RTTN: variants seen among roughly 807,000 people sequenced by gnomAD.
The protein encoded by RTTN is rotatin.
Under a neutral mutation model 269.2 loss-of-function variants are expected in RTTN, and 182 were observed. The ratio of observed to expected loss-of-function variants is 0.68; its 90% CI spans 0.60 to 0.76. The LOEUF is 0.76. Ranked by LOEUF, RTTN falls within the 30% of genes least tolerant of loss-of-function variation. The probability of loss-of-function intolerance (pLI) is 0.00; values close to 1 mark genes in which losing one functional copy is unlikely to be tolerated. For synonymous variants in RTTN, 1,006 were observed against 963.5 expected, an observed-to-expected ratio of 1.04 and a Z score of -0.82; for missense variants, 2,545 against 2,608.6, an observed-to-expected ratio of 0.98 and a Z score of 0.53.
At chr18:70,169,903 A>G (rs2061093166) in intron 11 of RTTN, among the ~76,000 whole-genome samples, 1 of 152,192 alleles carries the variant, frequency 6.6e-6, no homozygotes, top group Admixed American at 6.5e-5. Context: ...GTCATGATTT[A>G]TTTCATGGAT....
intron 32 of RTTN, among the ~76,000 whole-genome samples, chr18:70,083,926 T>C (rs1372165608): frequency 6.7e-6 from 1 of 149,634 alleles, no homozygotes; most frequent in Non-Finnish European, 1.5e-5. Flanking sequence ...TTTAAGTACA[T>C]ACAGAAAAAG....
intron 8 of RTTN, among the ~76,000 whole-genome samples, chr18:70,191,705 G>A (rs926129196): frequency 6.6e-6 from 1 of 152,194 alleles, no homozygotes; most frequent in African/African-American, 2.4e-5. Context: ...ATCCACAACC[G>A]AAGCTGGATC....
At chr18:70,036,867 C>G (rs1261633733) in intron 40 of RTTN, among the ~76,000 whole-genome samples, 1 of 152,168 alleles carries the variant, frequency 6.6e-6, no homozygotes, top group Non-Finnish European at 1.5e-5. Context: ...TTAATGTGTA[C>G]GGCTAAAAGA....
chr18:70,005,456 C>T, intron 47 of RTTN, 189 bp from the exon 48 acceptor site: 1 of 414,010 alleles, frequency 2.4e-6, no homozygotes, highest in Non-Finnish European at 4.3e-6. Context: ...GAAGTCTTGC[C>T]CATATCCTCT....
chr18:70,121,368 A>C (rs2059732984), intron 26 of RTTN, among the ~76,000 whole-genome samples, 188 bp downstream of exon 26: 1 of 152,234 alleles, frequency 6.6e-6, no homozygotes, highest in African/African-American at 2.4e-5. Context: ...TTCACTGTAC[A>C]GAATTTTAAT....
At chr18:70,205,524 G>C in intron 1 of RTTN, 104 bp downstream of exon 1, 1 of 1,485,490 alleles carries the variant, frequency 6.7e-7, no homozygotes, top group Admixed American at 1.7e-5. Flanking sequence ...GGTGAAAGAG[G>C]GAGCGGTCGC....
intron 32 of RTTN, among the ~76,000 whole-genome samples, chr18:70,081,320 G>C (rs2058561817): frequency 6.6e-6 from 1 of 151,752 alleles, no homozygotes; most frequent in Admixed American, 6.6e-5. Context: ...ATAACCTATG[G>C]GGGAAAAAAA....
At chr18:70,128,571 T>C in intron 23 of RTTN, 25 bp from the exon 24 acceptor site, 1 of 1,595,478 alleles carries the variant, frequency 6.3e-7, no homozygotes, top group Non-Finnish European at 8.6e-7. Context: ...TACAAATAAT[T>C]ACAAACTTTC....
intron 5 of RTTN, among the ~76,000 whole-genome samples, chr18:70,199,102 G>T (rs150450223): frequency 6.6e-6 from 1 of 152,084 alleles, no homozygotes; most frequent in Non-Finnish European, 1.5e-5. Flanking sequence ...CACAAGAATC[G>T]CTTGAACCCA....
intron 26 of RTTN, among the ~76,000 whole-genome samples, chr18:70,120,649 A>G (rs1159895136): frequency 6.6e-6 from 1 of 152,200 alleles, no homozygotes; most frequent in African/African-American, 2.4e-5. Context: ...GCAAATAAAT[A>G]CATAAAGAGA....
At chr18:70,115,477 A>G (rs748873731) in intron 26 of RTTN, among the ~76,000 whole-genome samples, 2 of 151,872 alleles carry the variant, frequency 1.3e-5, no homozygotes, top group Non-Finnish European at 2.9e-5. Flanking sequence ...TAATAGATAT[A>G]TGGGATATTT....
intron 34 of RTTN, among the ~76,000 whole-genome samples, chr18:70,071,254 T>C (rs1344172290): frequency 3.3e-5 from 5 of 152,180 alleles, no homozygotes; most frequent in African/African-American, 1.2e-4. Flanking sequence ...AAATTCTCTT[T>C]AAATGTTTAG....
At chr18:70,143,550 A>C (rs992213419) in intron 18 of RTTN, among the ~76,000 whole-genome samples, 2 of 152,070 alleles carry the variant, frequency 1.3e-5, no homozygotes, top group Non-Finnish European at 2.9e-5. Flanking sequence ...AATGATGAAA[A>C]CACAAGGACA....
At chr18:70,133,656 T>C (rs1418937004) in intron 23 of RTTN, among the ~76,000 whole-genome samples, 1 of 152,034 alleles carries the variant, frequency 6.6e-6, no homozygotes, top group Non-Finnish European at 1.5e-5. Flanking sequence ...GTTCAAAAAC[T>C]AGCAAAAATA....
chr18:70,178,360 A>G (rs1599931381), intron 10 of RTTN, among the ~76,000 whole-genome samples: 1 of 152,368 alleles, frequency 6.6e-6, no homozygotes, highest in South Asian at 2.1e-4. Flanking sequence ...AGATACAAAA[A>G]GACAAATATA....
intron 44 of RTTN, among the ~76,000 whole-genome samples, chr18:70,023,410 A>C (rs1406503852): frequency 6.6e-6 from 1 of 152,222 alleles, no homozygotes; most frequent in African/African-American, 2.4e-5. Flanking sequence ...ATTCAACTCC[A>C]GCTTACTATT....
chr18:70,194,756 A>T (rs1222476147), intron 7 of RTTN: 1 of 152,258 alleles, frequency 6.6e-6, no homozygotes, highest in African/African-American at 2.4e-5. Context: ...ACAAAATCAG[A>T]GACAGAAAGT....
intron 25 of RTTN, among the ~76,000 whole-genome samples, chr18:70,126,424 T>C (rs1311585593): frequency 6.6e-6 from 1 of 152,132 alleles, no homozygotes; most frequent in Non-Finnish European, 1.5e-5. Flanking sequence ...GCTGACTTAT[T>C]GTGTTTGTCA....
intron 14 of RTTN, 103 bp from the exon 15 acceptor site, chr18:70,150,836 C>A (rs2145796876): frequency 1.1e-6 from 1 of 876,240 alleles, no homozygotes; most frequent in Middle Eastern, 3.7e-4. Context: ...TTAGTTTTTA[C>A]TTCATTGAAA....
Sources: allele counts gnomAD v4.1 joint callset (sites outside exome capture counted in the v4.1 genomes callset), GRCh38; gene constraint gnomAD v4.1.1; transcripts MANE v1.5; gene names NCBI Gene and HGNC (gene_info 2026-07-23, HGNC 2026-07-21).